Variants in MYO5A observed in about 807,000 individuals in gnomAD.
MYO5A encodes the protein myosin VA.
MYO5A carries 98 observed loss-of-function variants against 249.7 expected under a neutral mutation model. The ratio of observed to expected loss-of-function variants is 0.39; its 90% confidence interval spans 0.33 to 0.46. The LOEUF is 0.46. MYO5A is among the 20% of genes least tolerant of loss of function. The probability of loss-of-function intolerance (pLI) is 0.98; values close to 1 mark genes in which losing one functional copy is unlikely to be tolerated. For synonymous variants in MYO5A, 778 were observed against 810.6 expected (o/e 0.96, Z 0.68); for missense variants, 1,696 against 2,308.8 (o/e 0.73, Z 5.44).
At chr15:52,414,473 GT>G (rs1165346882) in intron 5 of MYO5A, among the ~76,000 whole-genome samples, 1 of 151,714 alleles carries the variant, frequency 6.6e-6, no homozygotes, top group Non-Finnish European at 1.5e-5. Context: ...AATAAAGCTG[GT>G]TTTTTTTGAA....
intron 32 of MYO5A, 140 bp downstream of exon 32, chr15:52,340,056 G>T: frequency 1.2e-6 from 1 of 866,546 alleles, no homozygotes. Flanking sequence ...TCCTTACTCT[G>T]TCTCTGCTGG....
At chr15:52,470,895 C>A (rs56317843) in intron 1 of MYO5A, among the ~76,000 whole-genome samples, 1 of 150,532 alleles carries the variant, frequency 6.6e-6, no homozygotes, top group East Asian at 2.0e-4. Flanking sequence ...TGGTGACAGG[C>A]GCCTGTAGTC....
intron 22 of MYO5A, among the ~76,000 whole-genome samples, chr15:52,368,800 G>GA (rs1468189222): frequency 3.3e-5 from 5 of 152,112 alleles, no homozygotes; most frequent in Non-Finnish European, 2.9e-5. Flanking sequence ...TGAAATGAAA[G>GA]AAAAAATCTG....
intron 15 of MYO5A, 31 bp from the exon 16 acceptor site, chr15:52,383,219 A>G: frequency 6.5e-7 from 1 of 1,538,740 alleles, no homozygotes; most frequent in East Asian, 2.2e-5. Flanking sequence ...GAGGGTATCA[A>G]GGCTTTGTCC....
At chr15:52,494,413 A>G (rs867328916) in intron 1 of MYO5A, among the ~76,000 whole-genome samples, 5 of 152,232 alleles carry the variant, frequency 3.3e-5, no homozygotes, top group African/African-American at 9.6e-5. Context: ...GTATTGGGTT[A>G]CAAATATACT....
chr15:52,390,975 T>G (rs1340793217), intron 12 of MYO5A, among the ~76,000 whole-genome samples: 1 of 152,202 alleles, frequency 6.6e-6, no homozygotes, highest in Non-Finnish European at 1.5e-5. Context: ...TACTAGGTTG[T>G]TACTGATTTT....
intron 1 of MYO5A, among the ~76,000 whole-genome samples, chr15:52,525,105 T>C (rs1270509432): frequency 6.6e-6 from 1 of 152,184 alleles, no homozygotes; most frequent in Non-Finnish European, 1.5e-5. Flanking sequence ...ATGATATAGA[T>C]ATCCACTGGC....
chr15:52,432,737 C>A (rs1475524421), intron 2 of MYO5A, among the ~76,000 whole-genome samples: 7 of 152,164 alleles, frequency 4.6e-5, no homozygotes, highest in African/African-American at 1.7e-4. Context: ...TAAAAGCCCT[C>A]CTAATTGGCC....
chr15:52,366,019 G>A (rs1021276166), intron 23 of MYO5A, among the ~76,000 whole-genome samples: 3 of 152,034 alleles, frequency 2.0e-5, no homozygotes, highest in African/African-American at 7.3e-5. Context: ...ATTAATTCCA[G>A]GTTTTCTTCT....
rs56227811 is a variant in MYO5A, at chr15:52,324,002, C to CAAAAAAAAAAAAAAA, written c.4711-573_4711-559dup. 5.2e-4 allele frequency: 21 copies of CAAAAAAAAAAAAAAA among 40,248 alleles called. 5 individuals are homozygous for CAAAAAAAAAAAAAAA. The highest frequency in any genetic ancestry group is 1.2e-3 in the South Asian group (1 of 830). 2.5% of individuals were successfully genotyped at this position (40,248 alleles called of 1,614,324 possible). Reference sequence around the variant, plus strand: ...CTAGAGACAGAACGAGACTCTGTCTCAAAAAAAAAAAAAAAAAAAAAAAAA... The same window carrying CAAAAAAAAAAAAAAA: ...CTAGAGACAGAACGAGACTCTGTCTCAAAAAAAAAAAAAAAAAAAAAAAAAAAAAAAAAAAAAAAA... On this transcript the variant is annotated intron_variant, in intron 36 of 41. Coordinates refer to ENST00000399233, the MANE Select transcript of MYO5A (RefSeq NM_001382347.1).
At chr15:52,472,368 C>T (rs2453984) in intron 1 of MYO5A, among the ~76,000 whole-genome samples, 16,820 of 152,108 alleles carry the variant, frequency 0.11, 1,232 homozygotes, top group South Asian at 0.17. Flanking sequence ...CTTGAGCCAT[C>T]GCGACTGGCC....
intron 16 of MYO5A, among the ~76,000 whole-genome samples, chr15:52,381,810 G>A (rs1158487118): frequency 2.2e-5 from 2 of 91,994 alleles, no homozygotes; most frequent in African/African-American, 3.0e-5. Context: ...ACACACACAC[G>A]GAGCATGGAG....
intron 24 of MYO5A, among the ~76,000 whole-genome samples, 185 bp from the exon 25 acceptor site, chr15:52,360,266 C>T (rs2040451049): frequency 6.6e-6 from 1 of 152,202 alleles, no homozygotes; most frequent in Non-Finnish European, 1.5e-5. Context: ...GAAAAAGGTA[C>T]ACTGGCATGA....
At chr15:52,485,240 G>T (rs1337871980) in intron 1 of MYO5A, among the ~76,000 whole-genome samples, 5 of 76,252 alleles carry the variant, frequency 6.6e-5, no homozygotes, top group East Asian at 7.3e-4. Flanking sequence ...CTTTAAAAGA[G>T]AATAAAGAAT....
chr15:52,523,537 T>C (rs749649733), intron 1 of MYO5A, among the ~76,000 whole-genome samples: 2 of 152,048 alleles, frequency 1.3e-5, no homozygotes, highest in Non-Finnish European at 2.9e-5. Context: ...TAGAGTATCG[T>C]GGGAGTGGTA....
intron 1 of MYO5A, among the ~76,000 whole-genome samples, chr15:52,458,539 G>C (rs907624444): frequency 2.0e-5 from 3 of 152,020 alleles, no homozygotes; most frequent in Non-Finnish European, 2.9e-5. Context: ...AGGATCATTT[G>C]AGCCCAGGAA....
At position 52,416,398 on chromosome 15, in the gene MYO5A, T is replaced by C. The variant is rs187652367; in HGVS notation, c.456-97A>G. On this transcript the variant is annotated intron_variant, in intron 4 of 41. Coordinates refer to ENST00000399233, the MANE Select transcript of MYO5A (RefSeq NM_001382347.1). ...GTCTCTATGGAAGTAGGGGGCTAAT[T>C]AATGGATTTTTTGGTCGATACTGGT... 5.1e-6 allele frequency: 7 copies of C among 1,364,058 alleles called. No homozygotes were observed. In the African/African-American group the frequency reaches 7.2e-5, roughly 14 times the overall value. The allele number at this position is 1,364,058 out of a possible 1,614,324, so 84.5% of individuals were successfully genotyped here.
intron 1 of MYO5A, among the ~76,000 whole-genome samples, chr15:52,437,295 TAA>T (rs1292079705): frequency 2.0e-5 from 3 of 152,244 alleles, no homozygotes; most frequent in South Asian, 2.1e-4. Flanking sequence ...TATATAAATA[TAA>T]AGAGATTAAG....
rs1219318868 is a variant in MYO5A, at chr15:52,486,799, T to TG, written c.27+41980dup. Among the ~76,000 whole-genome samples, 3 of 152,198 alleles carry TG rather than the reference T, an allele frequency of 2.0e-5. No homozygotes were observed. In the East Asian group the frequency reaches 5.8e-4, roughly 29 times the overall value. ...ATTCTAAAGGCCAAGGGTGTACACC[T>TG]GCCTGACCACATCATGCCCACTGGA... is the stretch of plus-strand genomic sequence containing the variant. On this transcript the variant is annotated intron_variant, in intron 1 of 41. Transcript: ENST00000399233.
Sources: gnomAD v4.1 joint callset for allele counts (sites outside exome capture counted in the v4.1 genomes callset) on GRCh38, gnomAD v4.1.1 for gene constraint, MANE v1.5 for transcripts, NCBI Gene and HGNC (gene_info 2026-07-23, HGNC 2026-07-21) for gene names.